Variants in TOP3B observed in about 807,000 individuals in gnomAD.
The protein encoded by TOP3B is DNA topoisomerase III beta.
Under a neutral mutation model 93.9 loss-of-function variants are expected in TOP3B, and 45 were observed. The observed-to-expected ratio is 0.48, with a 90% confidence interval of 0.38 to 0.61. The LOEUF (loss-of-function observed/expected upper bound fraction) is 0.61, where lower values mean the gene tolerates loss of function less well. Among genes scored for constraint, TOP3B ranks in the 20% least tolerant of loss-of-function variants. The pLI is 0.00. For synonymous variants in TOP3B, 357 were observed against 472.6 expected (o/e 0.76, Z 3.17); for missense variants, 750 against 1,156.1 (o/e 0.65, Z 5.09).
In TOP3B at chr22:21,958,577, G is replaced by T. The variant is rs767828228; in HGVS notation, c.2022C>A (p.Val674=). 6.2e-7 allele frequency: 1 copy of T among 1,614,126 alleles called. No homozygotes were observed. The highest frequency in any genetic ancestry group is 1.1e-5 in the South Asian group (1 of 91,076). ...TGCCCCGAGAGCCTGATGACCACAG[G>T]ACCAGCTCGAAGTCATCCAGAGGGC... ...LRCPLDDFEL[V]LWSSGSRGKS... is the part of the protein sequence containing the mutation. The change falls in exon 17 of 18, where the codon GTC becomes GTA. Residue 674 remains valine (V), a synonymous_variant. Transcript: ENST00000357179.
intron 3 of TOP3B, 116 bp from the exon 4 acceptor site, chr22:21,972,834 A>G: frequency 2.3e-6 from 2 of 872,770 alleles, no homozygotes; most frequent in African/African-American, 1.7e-5. Flanking sequence ...TTGGAGAACA[A>G]TTTGCCCAGG....
rs1163308051 is a variant in TOP3B at position 21,964,179 on chromosome 22, G to A, written c.1080C>T (p.His360=). The change falls in exon 10 of 18, where the codon CAC becomes CAT. Residue 360 remains histidine, a synonymous_variant. Coordinates refer to ENST00000357179, the MANE Select transcript of TOP3B (RefSeq NM_001282112.2). ...LKGSLRQQAN[H]PYWADTVKRL... The stretch of plus-strand genomic sequence containing the variant: ...CACTCACCGTGTCGGCCCAGTAGGG[G>A]TGGTTGGCCTGCTGCCGCAGAGAGC... 1.2e-6 allele frequency: 2 copies of A among 1,614,030 alleles called. No homozygotes were observed. Among genetic ancestry groups the A allele is most frequent in the Non-Finnish European group, 8.5e-7 (1 of 1,180,048 alleles).
rs761701278 is a variant in TOP3B at position 21,968,767 on chromosome 22, G to A, written c.590C>T (p.Thr197Ile). Residue 197 changes from threonine to isoleucine, a missense_variant, in exon 7 of 18, where the codon ACT becomes ATT. Coordinates refer to ENST00000357179, the MANE Select transcript of TOP3B (RefSeq NM_001282112.2). ...RIGCAFTRFQ[T>I]KYFQGKYGDL... The stretch of plus-strand genomic sequence containing the variant: ...ACCGTATTTCCCCTGGAAATATTTA[G>A]TCTGAAACCTGGAGGGAGTGGAAAG... The A allele has an allele frequency of 1.2e-6, 2 of 1,614,154 alleles. No individual in the cohort carries two copies. Among genetic ancestry groups the A allele is most frequent in the Non-Finnish European group, 1.7e-6 (2 of 1,180,000 alleles).
Position 21,959,743 on chromosome 22 carries a change from G to A in TOP3B, c.1655-7C>T. 1 of 1,611,654 alleles carries A rather than the reference G, an allele frequency of 6.2e-7. No homozygotes were observed. Among genetic ancestry groups the A allele is most frequent in the Non-Finnish European group, 8.5e-7 (1 of 1,179,278 alleles). On this transcript the variant is annotated splice_region_variant and splice_polypyrimidine_tract_variant and intron_variant, in intron 14 of 17. Transcript: ENST00000357179. ...GGGAGCACCAGCTCTGCATCTGCAA[G>A]TGGGCAGGGGGCAGATATTGCCCTG...
At chr22:21,976,116 G>A (rs1377292744) in intron 1 of TOP3B, 1 of 158,876 alleles carries the variant, frequency 6.3e-6, no homozygotes, top group African/African-American at 2.4e-5. Context: ...GGGATCTGGA[G>A]TGATGGGTCA....
chr22:21,962,076 C>T (rs62234971), intron 13 of TOP3B: 133,408 of 1,204,646 alleles, frequency 0.11, 7,764 homozygotes, highest in Middle Eastern at 0.12. Context: ...CAGGACAGCC[C>T]AGGCTGGCTG....
chr22:21,962,972 G>C, intron 11 of TOP3B, 79 bp from the exon 12 acceptor site: 1 of 1,543,648 alleles, frequency 6.5e-7, no homozygotes, highest in South Asian at 1.1e-5. Context: ...TCTCGCTCGA[G>C]CAGCAAGCTC....
chr22:21,976,842 C>T (rs534824831), intron 1 of TOP3B: 2 of 151,456 alleles, frequency 1.3e-5, no homozygotes, highest in Middle Eastern at 3.4e-3. Context: ...AACATAGCAC[C>T]GTATTAAAAA....
chr22:21,967,573 C>T (rs369186227), intron 8 of TOP3B, 30 bp downstream of exon 8: 9 of 1,588,750 alleles, frequency 5.7e-6, no homozygotes, highest in South Asian at 4.4e-5. Context: ...CCCAAGGCAA[C>T]TGTGATAGAT....
At chr22:21,967,805 T>A (rs5750275) in intron 7 of TOP3B, 89 bp from the exon 8 acceptor site, 58,689 of 1,041,938 alleles carry the variant, frequency 0.056, 3,319 homozygotes, top group East Asian at 0.24. Context: ...ATGAAGCTGG[T>A]CCTTGTCTGG....
Position 21,970,079 on chromosome 22 carries a change from G to T in TOP3B, c.581+131C>A. ...GCCACTGTGCCTGGCCTTCTTCAGGGTTGGTGAAATCCCCTGTTGCTCATC... is the reference window on the plus strand; with the variant it reads ...GCCACTGTGCCTGGCCTTCTTCAGGTTTGGTGAAATCCCCTGTTGCTCATC... On this transcript the variant is annotated intron_variant, in intron 6 of 17. Coordinates refer to ENST00000357179, the MANE Select transcript of TOP3B (RefSeq NM_001282112.2). The surrounding 1 kb of genome is among the most constrained non-coding windows in gnomAD (Gnocchi z 4.4). 1.0e-6 allele frequency: 1 copy of T among 972,786 alleles called. No homozygotes were observed. The highest frequency in any genetic ancestry group is 1.6e-5 in the South Asian group (1 of 62,904). The allele number at this position is 972,786 out of a possible 1,614,324, so 60.3% of individuals were successfully genotyped here.
Position 21,971,722 on chromosome 22 carries a change from G to A in TOP3B, c.384+155C>T. The A allele has an allele frequency of 1.4e-6, 1 of 720,982 alleles. No individual in the cohort carries two copies. The highest frequency in any genetic ancestry group is 2.5e-6 in the Non-Finnish European group (1 of 398,692). The allele number at this position is 720,982 out of a possible 1,614,324, so 44.7% of individuals were successfully genotyped here. On this transcript the variant is annotated intron_variant, in intron 5 of 17. Transcript: ENST00000357179. The surrounding 1 kb of genome is among the most constrained non-coding windows in gnomAD (Gnocchi z 4.6). Reference sequence around the variant, plus strand: ...GCCTATGCAGTTAAAAGTATCTGTGGAGTTTCAGAATAAAGGGAGGGGAGA... The same window carrying A: ...GCCTATGCAGTTAAAAGTATCTGTGAAGTTTCAGAATAAAGGGAGGGGAGA...
chr22:21,970,178 T>TGAGGGC lies in TOP3B; in HGVS notation c.581+31_581+32insGCCCTC, dbSNP rs1444602272. On this transcript the variant is annotated intron_variant, in intron 6 of 17. Transcript: ENST00000357179. This position sits in a 1 kb window ranked among gnomAD's most constrained non-coding sequence, Gnocchi z 4.4. ...GTCTCTGGCTGAGGGAGAGTGAGGGTGTGCCCAGGACTCTGCGGGTGTGGC... is the reference window on the plus strand; with the variant it reads ...GTCTCTGGCTGAGGGAGAGTGAGGGTGAGGGCGTGCCCAGGACTCTGCGGGTGTGGC... 6.3e-7 allele frequency: 1 copy of TGAGGGC among 1,594,946 alleles called. No homozygotes were observed. Among genetic ancestry groups the TGAGGGC allele is most frequent in the Admixed American group, 1.7e-5 (1 of 59,788 alleles).
chr22:21,981,966 A>T (rs2084641412), intron 1 of TOP3B, among the ~76,000 whole-genome samples: 1 of 152,200 alleles, frequency 6.6e-6, no homozygotes, highest in Non-Finnish European at 1.5e-5. Flanking sequence ...CCTTTGTAGT[A>T]GGCACACCAT....
In TOP3B at chr22:21,968,613, A is replaced by G. The variant is rs202023499; in HGVS notation, c.738+6T>C. ...GCCCCAGCATGAATAGAGAAAGGCAAGGAACCTTGGCCTGCAGCACCCAGT... is the reference window on the plus strand; with the variant it reads ...GCCCCAGCATGAATAGAGAAAGGCAGGGAACCTTGGCCTGCAGCACCCAGT... On this transcript the variant is annotated splice_donor_region_variant and intron_variant, in intron 7 of 17. Coordinates refer to ENST00000357179, the MANE Select transcript of TOP3B (RefSeq NM_001282112.2). The G allele has an allele frequency of 3.0e-4, 490 of 1,613,972 alleles. No individual in the cohort carries two copies. The African/African-American group carries it at 5.3e-3, about 18-fold the overall frequency.
chr22:21,962,274 G>T (rs2071215900), intron 13 of TOP3B, 155 bp downstream of exon 13: 1 of 1,586,054 alleles, frequency 6.3e-7, no homozygotes, highest in Non-Finnish European at 8.5e-7. Context: ...GGACCTGCCT[G>T]GCTGGCCACA....
At position 21,965,293 on chromosome 22, in the gene TOP3B, G is replaced by A. The variant is rs114194061; in HGVS notation, c.935C>T (p.Ser312Phe). ...NTVEMLRVAS[S>F]SLGMGPQHAM... Reference sequence around the variant, plus strand: ...GAAATGTCCCTACATACCCAGAGAAGAGCTGGCCACACGCAGCATCTCCAC... The same window carrying A: ...GAAATGTCCCTACATACCCAGAGAAAAGCTGGCCACACGCAGCATCTCCAC... Residue 312 changes from serine to phenylalanine, a missense_variant, in exon 9 of 18, where the codon TCT becomes TTT. Physicochemically the swap from Ser to Phe is radical, Grantham distance 155 (BLOSUM62 -2). This residue lies in a region of TOP3B where 737 missense variants were observed against 933.7 expected (regional missense o/e 0.79). Transcript: ENST00000357179. 13 of 1,596,862 alleles carry A rather than the reference G, an allele frequency of 8.1e-6. No individual in the cohort carries two copies. The highest frequency in any genetic ancestry group is 1.7e-4 in the Middle Eastern group (1 of 6,000).
intron 9 of TOP3B, 62 bp downstream of exon 9, chr22:21,965,223 G>A: frequency 3.1e-6 from 4 of 1,304,082 alleles, no homozygotes; most frequent in Non-Finnish European, 2.1e-6. Flanking sequence ...GGCACTCGCT[G>A]CTCCAGGCTG....
intron 11 of TOP3B, 95 bp from the exon 12 acceptor site, chr22:21,962,988 TAC>T (rs2071258138): frequency 4.8e-6 from 7 of 1,469,120 alleles, no homozygotes; most frequent in Non-Finnish European, 6.6e-6. Context: ...AGCTCCTGCT[TAC>T]AGAGCCGCTG....
Sources: gnomAD v4.1 joint callset for allele counts (sites outside exome capture counted in the v4.1 genomes callset) on GRCh38, gnomAD v4.1.1 for gene constraint, gnomAD v4.1.1 regional missense constraint, Gnocchi (gnomAD v3.1) non-coding constraint, MANE v1.5 for transcripts, NCBI Gene and HGNC (gene_info 2026-07-23, HGNC 2026-07-21) for gene names.